The following NKAIN3 variants were observed in gnomAD, a reference collection of about 807,000 sequenced individuals.
NKAIN3 encodes the protein sodium/potassium-transporting ATPase subunit beta-1-interacting protein 3.
In NKAIN3, 25 loss-of-function variants were observed where a neutral mutation model predicts 30.2. That is an observed-to-expected ratio of 0.83 (90% CI 0.60 to 1.16). NKAIN3 has a LOEUF of 1.16. NKAIN3 is among the 50% of genes most tolerant of loss of function. The pLI, the probability that NKAIN3 is intolerant of heterozygous loss-of-function variation, is 0.00. For missense variants in NKAIN3, 225 were observed against 254.1 expected, an observed-to-expected ratio of 0.89 and a Z score of 0.78; for synonymous variants, 91 against 89.6, an observed-to-expected ratio of 1.02 and a Z score of -0.09.
At chr8:62,409,437 G>A (rs1804173367) in intron 1 of NKAIN3, among the ~76,000 whole-genome samples, 1 of 152,100 alleles carries the variant, frequency 6.6e-6, no homozygotes, top group Non-Finnish European at 1.5e-5. Context: ...TCCCACCTTG[G>A]CCTCCCAAAG....
At chr8:62,814,422 A>T (rs934229531) in intron 4 of NKAIN3, among the ~76,000 whole-genome samples, 3 of 152,064 alleles carry the variant, frequency 2.0e-5, no homozygotes, top group African/African-American at 2.4e-5. Context: ...AATCAACAGA[A>T]TATACATTTT....
chr8:62,344,792 C>A (rs1815876178), intron 1 of NKAIN3: 3 of 409,404 alleles, frequency 7.3e-6, no homozygotes, highest in South Asian at 5.5e-5. Flanking sequence ...AATTTAGAGT[C>A]TTTTGTAGTT....
intron 3 of NKAIN3, among the ~76,000 whole-genome samples, chr8:62,614,589 G>A (rs1180503968): frequency 6.6e-6 from 1 of 152,140 alleles, no homozygotes; most frequent in Admixed American, 6.5e-5. Flanking sequence ...TCCCTTCAAG[G>A]TAACAAGCTC....
rs1563649638 is a variant in NKAIN3, at chr8:62,968,525, G to A, written c.*3118G>A. Among the ~76,000 whole-genome samples the A allele has an allele frequency of 1.3e-5, 2 of 152,172 alleles. No individual in the cohort carries two copies. Among genetic ancestry groups the A allele is most frequent in the African/African-American group, 4.8e-5 (2 of 41,442 alleles). ...TGCATCCCTTAGCTTGCATTCATTGGTCAGAATCTTAACTATCTTAAGAGA... is the reference window on the plus strand; with the variant it reads ...TGCATCCCTTAGCTTGCATTCATTGATCAGAATCTTAACTATCTTAAGAGA... On this transcript the variant is annotated 3_prime_UTR_variant, in exon 7 of 7. Transcript: ENST00000623646.
intron 1 of NKAIN3, among the ~76,000 whole-genome samples, chr8:62,407,522 G>A (rs1804112512): frequency 6.7e-6 from 1 of 150,368 alleles, no homozygotes; most frequent in Admixed American, 6.7e-5. Context: ...TTCAGTCTGT[G>A]GAGTAGCTGG....
chr8:62,560,201 G>T (rs983188646), intron 1 of NKAIN3, among the ~76,000 whole-genome samples: 1 of 152,006 alleles, frequency 6.6e-6, no homozygotes, highest in East Asian at 1.9e-4. Flanking sequence ...ATTTATCTGT[G>T]TTTAAATTTC....
chr8:62,462,417 C>A (rs2129599570), intron 1 of NKAIN3, among the ~76,000 whole-genome samples: 1 of 152,246 alleles, frequency 6.6e-6, no homozygotes, highest in Middle Eastern at 3.4e-3. Flanking sequence ...ATGTGGGGAG[C>A]TTCATCCTTG....
At chr8:62,357,470 C>A (rs13256071) in intron 1 of NKAIN3, among the ~76,000 whole-genome samples, 1 of 151,960 alleles carries the variant, frequency 6.6e-6, no homozygotes, top group African/African-American at 2.4e-5. Context: ...TCTGTGTAAT[C>A]GAAATTTTTA....
At chr8:62,530,572 G>A (rs900160579) in intron 1 of NKAIN3, among the ~76,000 whole-genome samples, 4 of 151,998 alleles carry the variant, frequency 2.6e-5, no homozygotes, top group African/African-American at 9.7e-5. Context: ...ATATTGCATT[G>A]AGTCATTTTT....
At position 62,969,619 on chromosome 8, in the gene NKAIN3, A is replaced by C. The variant is rs1179669956; in HGVS notation, c.*4212A>C. Among the ~76,000 whole-genome samples, 3 of 152,148 alleles carry C rather than the reference A, an allele frequency of 2.0e-5. No individual in the cohort carries two copies. The highest frequency in any genetic ancestry group is 4.8e-5 in the African/African-American group (2 of 41,436). On this transcript the variant is annotated 3_prime_UTR_variant, in exon 7 of 7. Transcript: ENST00000623646. ...CAGAATGCAAATGTTCTAACTTGACATTTTTGCCCAAGATACGTTCTTTCC... is the reference window on the plus strand; with the variant it reads ...CAGAATGCAAATGTTCTAACTTGACCTTTTTGCCCAAGATACGTTCTTTCC...
chr8:62,511,321 C>T (rs959639644), intron 1 of NKAIN3, among the ~76,000 whole-genome samples: 2 of 152,136 alleles, frequency 1.3e-5, no homozygotes, highest in Non-Finnish European at 2.9e-5. Context: ...GCTCACTTCA[C>T]TGTACCTAGT....
chr8:62,730,332 C>G (rs1815427077), intron 3 of NKAIN3, among the ~76,000 whole-genome samples: 9 of 152,040 alleles, frequency 5.9e-5, no homozygotes. Context: ...AACCCCAGAA[C>G]AGTGTAGGCA....
intron 4 of NKAIN3, among the ~76,000 whole-genome samples, chr8:62,864,552 T>C (rs755670886): frequency 1.3e-5 from 2 of 152,176 alleles, no homozygotes; most frequent in Non-Finnish European, 2.9e-5. Flanking sequence ...AACAATTCAA[T>C]AGTGAATTGC....
chr8:62,639,606 G>A (rs1427288083), intron 3 of NKAIN3, among the ~76,000 whole-genome samples: 3 of 152,136 alleles, frequency 2.0e-5, no homozygotes, highest in African/African-American at 7.2e-5. Flanking sequence ...GCAAGTCGAG[G>A]TTGTTGTTGA....
chr8:62,645,031 T>A (rs1362829476), intron 3 of NKAIN3, among the ~76,000 whole-genome samples: 1 of 152,150 alleles, frequency 6.6e-6, no homozygotes, highest in Non-Finnish European at 1.5e-5. Flanking sequence ...GAAAGGTCTT[T>A]AACTTTGCTT....
intron 3 of NKAIN3, among the ~76,000 whole-genome samples, chr8:62,677,085 A>T (rs1231904618): frequency 6.6e-6 from 1 of 152,018 alleles, no homozygotes; most frequent in East Asian, 1.9e-4. Flanking sequence ...TTTGTTTTGA[A>T]TTTTTTAAAT....
chr8:62,262,258 T>C (rs1783022496), intron 1 of NKAIN3, among the ~76,000 whole-genome samples: 1 of 152,172 alleles, frequency 6.6e-6, no homozygotes, highest in African/African-American at 2.4e-5. Context: ...CATCTATTTT[T>C]GGAATCCCTC....
chr8:62,646,401 A>C (rs892191629), intron 3 of NKAIN3, among the ~76,000 whole-genome samples: 7 of 152,118 alleles, frequency 4.6e-5, no homozygotes, highest in Admixed American at 3.3e-4. Context: ...CTTTTCATTT[A>C]CTCACCCAAC....
At chr8:62,472,552 AG>A (rs1806385573) in intron 1 of NKAIN3, among the ~76,000 whole-genome samples, 1 of 152,196 alleles carries the variant, frequency 6.6e-6, no homozygotes, top group South Asian at 2.1e-4. Context: ...AGGGTAGGTC[AG>A]GGAGAGGAGA....
Sources: gnomAD v4.1 joint callset for allele counts (sites outside exome capture counted in the v4.1 genomes callset) on GRCh38, gnomAD v4.1.1 for gene constraint, MANE v1.5 for transcripts, NCBI Gene and HGNC (gene_info 2026-07-23, HGNC 2026-07-21) for gene names.